Variants in ST8SIA1 observed in about 807,000 individuals in gnomAD.
ST8SIA1 encodes the protein ST8 alpha-N-acetyl-neuraminide alpha-2,8-sialyltransferase 1.
In ST8SIA1, 16 loss-of-function variants were observed where a neutral mutation model predicts 35.9. The observed-to-expected ratio is 0.45, with a 90% CI of 0.30 to 0.68. ST8SIA1 has a LOEUF of 0.68. Among genes scored for constraint, ST8SIA1 ranks in the 30% least tolerant of loss-of-function variants. The probability of loss-of-function intolerance (pLI) is 0.09; values close to 1 mark genes in which losing one functional copy is unlikely to be tolerated. For synonymous variants in ST8SIA1, 170 were observed against 169.6 expected, an observed-to-expected ratio of 1.00 and a Z score of -0.02; for missense variants, 383 against 453.6, an observed-to-expected ratio of 0.84 and a Z score of 1.41.
At chr12:22,255,455 T>C in intron 2 of ST8SIA1, 66 bp from the exon 3 acceptor site, 1 of 1,339,322 alleles carries the variant, frequency 7.5e-7, no homozygotes, top group Non-Finnish European at 1.1e-6. Flanking sequence ...AAATCATTGT[T>C]TACAGCAGAC....
intron 2 of ST8SIA1, among the ~76,000 whole-genome samples, chr12:22,266,848 T>TATACACACACACAC (rs1555158440): frequency 2.1e-5 from 3 of 144,946 alleles, no homozygotes; most frequent in African/African-American, 7.8e-5. Flanking sequence ...CACAAAAGTA[T>TATACACACACACAC]ACACACACAC....
intron 4 of ST8SIA1, among the ~76,000 whole-genome samples, chr12:22,214,676 C>G (rs1198671069): frequency 1.3e-5 from 2 of 149,538 alleles, no homozygotes; most frequent in Non-Finnish European, 3.0e-5. Flanking sequence ...ACAAAAAAAA[C>G]ATATAATAGA....
chr12:22,247,863 T>C (rs1188667816), intron 4 of ST8SIA1, among the ~76,000 whole-genome samples: 3 of 151,996 alleles, frequency 2.0e-5, no homozygotes, highest in Non-Finnish European at 2.9e-5. Flanking sequence ...AATAGAAAAA[T>C]ATTTTTTAAA....
intron 4 of ST8SIA1, among the ~76,000 whole-genome samples, chr12:22,228,546 T>C (rs1865382352): frequency 6.6e-6 from 1 of 152,212 alleles, no homozygotes; most frequent in Non-Finnish European, 1.5e-5. Context: ...AACACTCTGC[T>C]AGATACTGAG....
intron 2 of ST8SIA1, among the ~76,000 whole-genome samples, chr12:22,285,088 T>A (rs1269740096): frequency 1.3e-5 from 2 of 152,234 alleles, no homozygotes; most frequent in African/African-American, 4.8e-5. Flanking sequence ...TCTGTACCAC[T>A]CTCTTTCCAG....
rs1565564022 is a variant in ST8SIA1, at chr12:22,198,231, C to A, written c.*3321G>T. 1 of 152,010 alleles carries A rather than the reference C, an allele frequency of 6.6e-6. No individual in the cohort carries two copies. Among genetic ancestry groups the A allele is most frequent in the Non-Finnish European group, 1.5e-5 (1 of 67,998 alleles). 9.4% of individuals were successfully genotyped at this position (152,010 alleles called of 1,614,324 possible). On this transcript the variant is annotated 3_prime_UTR_variant, in exon 5 of 5. Coordinates refer to ENST00000396037, the MANE Select transcript of ST8SIA1 (RefSeq NM_003034.4). Reference sequence around the variant, plus strand: ...ATTAGTCTGATGGTACAAAGTGATGCCCCCTCTTGGCAGGTGCATCACCAA... The same window carrying A: ...ATTAGTCTGATGGTACAAAGTGATGACCCCTCTTGGCAGGTGCATCACCAA...
At chr12:22,275,336 CT>C (rs1310460957) in intron 2 of ST8SIA1, among the ~76,000 whole-genome samples, 1 of 152,216 alleles carries the variant, frequency 6.6e-6, no homozygotes, top group African/African-American at 2.4e-5. Context: ...GGGTGTATCA[CT>C]TGAGGTCAGA....
chr12:22,205,018 T>C (rs1865090728), intron 4 of ST8SIA1, among the ~76,000 whole-genome samples: 1 of 152,178 alleles, frequency 6.6e-6, no homozygotes, highest in South Asian at 2.1e-4. Context: ...CTGTCCACAA[T>C]TTTTATTGCA....
chr12:22,292,023 T>G (rs902277500), intron 1 of ST8SIA1, among the ~76,000 whole-genome samples: 1 of 152,284 alleles, frequency 6.6e-6, no homozygotes, highest in Non-Finnish European at 1.5e-5. Flanking sequence ...TTCATAGAAT[T>G]ATTTTACATA....
intron 4 of ST8SIA1, among the ~76,000 whole-genome samples, chr12:22,212,036 A>G (rs1445822517): frequency 6.6e-6 from 1 of 152,162 alleles, no homozygotes; most frequent in Non-Finnish European, 1.5e-5. Flanking sequence ...CAACACAATG[A>G]TAAGTGAGGA....
rs188069725 is a variant in ST8SIA1 at position 22,265,231 on chromosome 12, A to T, written c.382-9842T>A. 2.2e-3 allele frequency among the ~76,000 whole-genome samples: 341 copies of T among 152,306 alleles called. 1 individual carries two copies. The highest frequency in any genetic ancestry group is 3.7e-3 in the Non-Finnish European group (252 of 68,028). On this transcript the variant is annotated intron_variant, in intron 2 of 4. Transcript: ENST00000396037. The stretch of plus-strand genomic sequence containing the variant: ...CAAAACTGTTTTCTTTTCATGATGG[A>T]AAGGGAAGGAAATACGAAGGGCAGG...
chr12:22,268,762 C>A (rs1215935298), intron 2 of ST8SIA1: 5 of 152,204 alleles, frequency 3.3e-5, no homozygotes, highest in Non-Finnish European at 7.3e-5. Context: ...CCCTCCCTTA[C>A]ATGTGGGGAT....
At chr12:22,299,114 C>T (rs61924166) in intron 1 of ST8SIA1, among the ~76,000 whole-genome samples, 9,624 of 151,606 alleles carry the variant, frequency 0.063, 424 homozygotes, top group East Asian at 0.24. Context: ...TGTAGACAAA[C>T]TTGTCATAAT....
intron 1 of ST8SIA1, among the ~76,000 whole-genome samples, chr12:22,310,071 T>TA (rs1368582146): frequency 6.6e-6 from 1 of 152,172 alleles, no homozygotes; most frequent in Non-Finnish European, 1.5e-5. Context: ...TGCTACCACT[T>TA]ACTGCTCTAT....
At chr12:22,253,707 T>C (rs1434312129) in intron 3 of ST8SIA1, among the ~76,000 whole-genome samples, 2 of 152,222 alleles carry the variant, frequency 1.3e-5, no homozygotes, top group Non-Finnish European at 2.9e-5. Context: ...ATTTGTACTT[T>C]TTCCACTTTT....
rs370161970 is a variant in ST8SIA1, at chr12:22,330,551, C to T, written c.236+3446G>A. Among the ~76,000 whole-genome samples the T allele has an allele frequency of 6.0e-4, 91 of 152,280 alleles. 2 individuals carry two copies. Among genetic ancestry groups the T allele is most frequent in the African/African-American group, 2.1e-3 (88 of 41,560 alleles). On this transcript the variant is annotated intron_variant, in intron 1 of 4. Coordinates refer to ENST00000396037, the MANE Select transcript of ST8SIA1 (RefSeq NM_003034.4). Reference sequence around the variant, plus strand: ...GCTATGTTTCCTGTCTTTGATGGCCCTATTTCCAGTTAGTTAATTATATAC... The same window carrying T: ...GCTATGTTTCCTGTCTTTGATGGCCTTATTTCCAGTTAGTTAATTATATAC...
At chr12:22,278,675 A>C (rs928830812) in intron 2 of ST8SIA1, among the ~76,000 whole-genome samples, 1 of 152,222 alleles carries the variant, frequency 6.6e-6, no homozygotes, top group African/African-American at 2.4e-5. Context: ...AGTGATTATC[A>C]AATTAATTTA....
intron 1 of ST8SIA1, among the ~76,000 whole-genome samples, chr12:22,316,174 CAATCTT>C (rs1866517482): frequency 6.6e-6 from 1 of 152,034 alleles, no homozygotes; most frequent in South Asian, 2.1e-4. Flanking sequence ...ACTTGCAAAA[CAATCTT>C]AATTGTATCT....
At chr12:22,285,573 C>T (rs2135815258) in intron 2 of ST8SIA1, among the ~76,000 whole-genome samples, 1 of 152,216 alleles carries the variant, frequency 6.6e-6, no homozygotes, top group African/African-American at 2.4e-5. Context: ...TTATAAAGTA[C>T]ATTTATTATG....
Sources: allele counts gnomAD v4.1 joint callset (sites outside exome capture counted in the v4.1 genomes callset), GRCh38; gene constraint gnomAD v4.1.1; transcripts MANE v1.5; gene names NCBI Gene and HGNC (gene_info 2026-07-23, HGNC 2026-07-21).